NRXN1: variants seen among roughly 807,000 people sequenced by gnomAD.
NRXN1 encodes the protein neurexin 1.
NRXN1 carries 39 observed loss-of-function variants against 150.9 expected under a neutral mutation model. The ratio of observed to expected loss-of-function variants is 0.26; its 90% CI spans 0.20 to 0.34. The LOEUF is 0.34. NRXN1 is among the 10% of genes least tolerant of loss of function. The probability of loss-of-function intolerance (pLI) is 1.00; values close to 1 mark genes in which losing one functional copy is unlikely to be tolerated. For synonymous variants in NRXN1, 924 were observed against 757.0 expected (o/e 1.22, Z -3.62); for missense variants, 1,815 against 1,949.9 (o/e 0.93, Z 1.30).
rs761118170 is a variant in NRXN1, at chr2:50,282,577, T to C, written c.3365-45607A>G. Among the ~76,000 whole-genome samples the C allele has an allele frequency of 3.2e-4, 48 of 152,042 alleles. 1 individual carries two copies. Among genetic ancestry groups the C allele is most frequent in the Non-Finnish European group, 5.9e-4 (40 of 67,996 alleles). ...TTGGGTATGATGATGAAGAAAGAGGTCCTAGAACTAATCCCCCCAAAATTC... is the reference window on the plus strand; with the variant it reads ...TTGGGTATGATGATGAAGAAAGAGGCCCTAGAACTAATCCCCCCAAAATTC... On this transcript the variant is annotated intron_variant, in intron 17 of 22. Transcript: ENST00000401669.
chr2:50,453,913 A>G lies in NRXN1; in HGVS notation c.3364+11529T>C, dbSNP rs1237184713. On this transcript the variant is annotated intron_variant, in intron 17 of 22. Transcript: ENST00000401669. ...ATAAAAAAGATCAAATAAGTATTGT[A>G]GCATTTCACAATGATCTGATGATTC... Among the ~76,000 whole-genome samples, 2 of 152,220 alleles carry G rather than the reference A, an allele frequency of 1.3e-5. 1 individual carries two copies. The highest frequency in any genetic ancestry group is 4.8e-5 in the African/African-American group (2 of 41,464).
At chr2:50,338,401 A>G (rs2077327623) in intron 17 of NRXN1, among the ~76,000 whole-genome samples, 1 of 152,194 alleles carries the variant, frequency 6.6e-6, no homozygotes, top group Admixed American at 6.5e-5. Flanking sequence ...AATAAAAGGA[A>G]ATAAGCTATC....
intron 5 of NRXN1, among the ~76,000 whole-genome samples, chr2:50,813,192 CA>C (rs202147925): frequency 0.1 from 14,343 of 140,792 alleles, 766 homozygotes; most frequent in Admixed American, 0.14. Flanking sequence ...CACCTTGTCT[CA>C]AAAAAAAAAA....
chr2:50,513,619 C>G (rs899416090), intron 12 of NRXN1, among the ~76,000 whole-genome samples: 2 of 151,958 alleles, frequency 1.3e-5, no homozygotes, highest in African/African-American at 4.8e-5. Flanking sequence ...TGCTACAAAG[C>G]CTTCTGTGCA....
At chr2:50,936,799 TAGAC>T (rs1483261659) in intron 2 of NRXN1, among the ~76,000 whole-genome samples, 8 of 152,054 alleles carry the variant, frequency 5.3e-5, no homozygotes, top group African/African-American at 1.9e-4. Context: ...GGCCTAATAA[TAGAC>T]TATGAGAATT....
intron 21 of NRXN1, among the ~76,000 whole-genome samples, chr2:49,953,699 T>G (rs1219006042): frequency 6.6e-6 from 1 of 152,076 alleles, no homozygotes; most frequent in Non-Finnish European, 1.5e-5. Flanking sequence ...TATATGTAAT[T>G]AATTGTGTCT....
chr2:50,621,417 T>C (rs565685671), intron 6 of NRXN1, among the ~76,000 whole-genome samples, 168 bp from the exon 7 acceptor site: 159 of 152,202 alleles, frequency 1.0e-3, no homozygotes, highest in Non-Finnish European at 1.9e-3. Flanking sequence ...AGCATGTTAG[T>C]AACATAGAAA....
chr2:50,473,358 TAA>T (rs1420642261), intron 15 of NRXN1, among the ~76,000 whole-genome samples: 1 of 145,864 alleles, frequency 6.9e-6, no homozygotes, highest in African/African-American at 2.5e-5. Flanking sequence ...GACTATTACT[TAA>T]AAAAAAAAAG....
intron 17 of NRXN1, among the ~76,000 whole-genome samples, chr2:50,353,708 T>A (rs2078588030): frequency 1.3e-5 from 2 of 152,180 alleles, no homozygotes; most frequent in African/African-American, 4.8e-5. Context: ...GACATAAAGA[T>A]AATGAGCTGC....
chr2:50,535,415 G>C (rs1050421175), intron 10 of NRXN1, among the ~76,000 whole-genome samples: 6 of 152,130 alleles, frequency 3.9e-5, no homozygotes, highest in African/African-American at 1.2e-4. Flanking sequence ...GCTCAGTTTT[G>C]CCGAAAGGCA....
At chr2:50,514,926 G>A (rs887030788) in intron 12 of NRXN1, among the ~76,000 whole-genome samples, 1 of 152,116 alleles carries the variant, frequency 6.6e-6, no homozygotes, top group African/African-American at 2.4e-5. Context: ...CTTTTTTACT[G>A]CTGTTTGTTT....
At chr2:50,588,029 T>C (rs1673459350) in intron 8 of NRXN1, among the ~76,000 whole-genome samples, 1 of 152,208 alleles carries the variant, frequency 6.6e-6, no homozygotes, top group Admixed American at 6.6e-5. Context: ...CTAGGCATTT[T>C]ATCTGTTAGC....
chr2:50,229,040 A>C (rs772266179), intron 18 of NRXN1, among the ~76,000 whole-genome samples: 1 of 152,076 alleles, frequency 6.6e-6, no homozygotes, highest in Non-Finnish European at 1.5e-5. Flanking sequence ...CTCAGACCCC[A>C]TAAAAATTAT....
intron 17 of NRXN1, among the ~76,000 whole-genome samples, chr2:50,278,356 T>C (rs973971984): frequency 7.0e-6 from 1 of 142,466 alleles, no homozygotes; most frequent in Non-Finnish European, 1.5e-5. Context: ...GGTTTCACCA[T>C]GTTAGCCAGG....
At chr2:50,395,689 T>TACAAGC (rs1221185922) in intron 17 of NRXN1, among the ~76,000 whole-genome samples, 1 of 152,182 alleles carries the variant, frequency 6.6e-6, no homozygotes, top group African/African-American at 2.4e-5. Context: ...CTAAAAGCTT[T>TACAAGC]ACAAGCACTA....
intron 17 of NRXN1, among the ~76,000 whole-genome samples, chr2:50,392,530 T>C (rs1343825759): frequency 6.6e-6 from 1 of 152,148 alleles, no homozygotes; most frequent in East Asian, 1.9e-4. Context: ...TACAAAGATA[T>C]GCAAATATTA....
intron 8 of NRXN1, among the ~76,000 whole-genome samples, chr2:50,594,999 TAAA>T: frequency 7.4e-6 from 1 of 135,314 alleles, no homozygotes; most frequent in African/African-American, 2.7e-5. Context: ...CCTCTCTTCT[TAAA>T]AAAAAAAAAA....
chr2:50,142,796 G>C (rs2152761944), intron 18 of NRXN1, among the ~76,000 whole-genome samples: 1 of 151,796 alleles, frequency 6.6e-6, no homozygotes, highest in Non-Finnish European at 1.5e-5. Context: ...AGATAGGTTG[G>C]ACTTAAGAGG....
chr2:50,621,174 C>T (rs1372805377), intron 7 of NRXN1, 52 bp downstream of exon 7: 2 of 1,501,622 alleles, frequency 1.3e-6, no homozygotes, highest in Non-Finnish European at 1.8e-6. Context: ...ACGGCAAACC[C>T]AAAATAAGAA....
Sources: allele counts gnomAD v4.1 joint callset (sites outside exome capture counted in the v4.1 genomes callset), GRCh38; gene constraint gnomAD v4.1.1; transcripts MANE v1.5; gene names NCBI Gene and HGNC (gene_info 2026-07-23, HGNC 2026-07-21).